The following ZHX3 variants were observed in gnomAD, a reference collection of about 807,000 sequenced individuals.
The protein encoded by ZHX3 is zinc fingers and homeoboxes 3.
ZHX3 carries 20 observed loss-of-function variants against 64.5 expected under a neutral mutation model. The ratio of observed to expected loss-of-function variants is 0.31; its 90% CI spans 0.22 to 0.45. The LOEUF (loss-of-function observed/expected upper bound fraction) is 0.45. ZHX3 is among the 20% of genes least tolerant of loss of function. The pLI is 1.00. For synonymous variants in ZHX3, 423 were observed against 461.6 expected (o/e 0.92, Z 1.07); for missense variants, 1,041 against 1,195.8 (o/e 0.87, Z 1.91).
intron 1 of ZHX3, among the ~76,000 whole-genome samples, chr20:41,277,222 G>C: frequency 6.6e-6 from 1 of 152,182 alleles, no homozygotes; most frequent in East Asian, 1.9e-4. Flanking sequence ...CCAGTTGCTT[G>C]GGAGGCTGAA....
rs771754509 is a variant in ZHX3 at position 41,203,092 on chromosome 20, G to A, written c.1825C>T (p.Pro609Ser). The A allele has an allele frequency of 2.5e-6, 4 of 1,614,152 alleles. No individual in the cohort carries two copies. The highest frequency in any genetic ancestry group is 1.7e-6 in the Non-Finnish European group (2 of 1,180,024). ...TTGTATTTGGTTGGTGTGAAGTCAG[G>A]AGTCTGGTGCCAAGATTGTCGTTTG... Reference protein sequence around the residue: ...SAKRQSWHQTPDFTPTKYKER... With the variant: ...SAKRQSWHQTSDFTPTKYKER... The change falls in exon 3 of 4, where the codon CCT becomes TCT. Residue 609 changes from proline (P) to serine (S), a missense_variant. By Grantham distance (74) the Pro-to-Ser change is moderately conservative. Transcript: ENST00000683867. This position sits in a 1 kb window ranked among gnomAD's most constrained non-coding sequence, Gnocchi z 7.1.
Position 41,204,397 on chromosome 20 carries a change from C to T in ZHX3, c.520G>A (p.Asp174Asn). 6.2e-7 allele frequency: 1 copy of T among 1,614,210 alleles called. No homozygotes were observed. Among genetic ancestry groups the T allele is most frequent in the Non-Finnish European group, 8.5e-7 (1 of 1,180,046 alleles). ...GTAATGATGATTTCTGCCTGTCCATCAGCCCCTTCAGCACTGGGCTCACCC... is the reference window on the plus strand; with the variant it reads ...GTAATGATGATTTCTGCCTGTCCATTAGCCCCTTCAGCACTGGGCTCACCC... ...LAGEPSAEGA[D>N]GQAEIIITKT... Residue 174 changes from aspartate to asparagine, a missense_variant, in exon 3 of 4, where the codon GAT (aspartate) becomes AAT (asparagine). By Grantham distance (23) the Asp-to-Asn change is conservative (BLOSUM62 1). This residue lies in a region of ZHX3 where 358 missense variants were observed against 369.1 expected (regional missense o/e 0.97). Transcript: ENST00000683867. The surrounding 1 kb of genome is among the most constrained non-coding windows in gnomAD (Gnocchi z 6.6).
intron 1 of ZHX3, among the ~76,000 whole-genome samples, chr20:41,282,262 ATCT>A (rs2043714260): frequency 1.3e-5 from 2 of 151,862 alleles, no homozygotes; most frequent in African/African-American, 4.8e-5. Flanking sequence ...TTAACTTCTC[ATCT>A]TCTCTACCAA....
chr20:41,190,876 A>G (rs1009915139), intron 3 of ZHX3, among the ~76,000 whole-genome samples: 1 of 151,984 alleles, frequency 6.6e-6, no homozygotes, highest in East Asian at 1.9e-4. Context: ...TTTTCTCCTG[A>G]TCTGTAAGGT....
intron 1 of ZHX3, among the ~76,000 whole-genome samples, chr20:41,297,892 T>G (rs2044616337): frequency 6.6e-6 from 1 of 152,202 alleles, no homozygotes; most frequent in Non-Finnish European, 1.5e-5. Context: ...TTTACTGGTT[T>G]AAGATGCACT....
chr20:41,204,494 G>A lies in ZHX3; in HGVS notation c.423C>T (p.Asn141=), dbSNP rs113667928. 41 of 1,614,178 alleles carry A rather than the reference G, an allele frequency of 2.5e-5. No homozygotes were observed. In the African/African-American group the frequency reaches 2.7e-4, roughly 10 times the overall value. The change falls in exon 3 of 4, where the codon AAC becomes AAT. Residue 141 remains asparagine, a synonymous_variant. Coordinates refer to ENST00000683867, the MANE Select transcript of ZHX3 (RefSeq NM_001384317.1). The surrounding 1 kb of genome is among the most constrained non-coding windows in gnomAD (Gnocchi z 6.6). Reference sequence around the variant, plus strand: ...CCACATGATTGTCTGGCTTGGCCACGTTCCACACAAAGCTGGCTTCCCCGG... The same window carrying A: ...CCACATGATTGTCTGGCTTGGCCACATTCCACACAAAGCTGGCTTCCCCGG... ...CHSGEASFVW[N]VAKPDNHVVV...
chr20:41,217,074 G>A (rs1241814117), intron 2 of ZHX3, among the ~76,000 whole-genome samples: 1 of 152,090 alleles, frequency 6.6e-6, no homozygotes, highest in Non-Finnish European at 1.5e-5. Flanking sequence ...AGATGAAACT[G>A]GGGTTTCATC....
chr20:41,250,857 G>A (rs2041957365), intron 2 of ZHX3, among the ~76,000 whole-genome samples: 1 of 152,156 alleles, frequency 6.6e-6, no homozygotes, highest in Admixed American at 6.5e-5. Flanking sequence ...CTAAAACCAT[G>A]GAGGCCTGGC....
At chr20:41,294,736 T>A (rs1270280382) in intron 1 of ZHX3, among the ~76,000 whole-genome samples, 1 of 152,096 alleles carries the variant, frequency 6.6e-6, no homozygotes, top group Non-Finnish European at 1.5e-5. Flanking sequence ...TGAGATGGAG[T>A]CTTGCTCTGT....
chr20:41,221,898 G>C (rs1410108727), intron 2 of ZHX3, among the ~76,000 whole-genome samples: 1 of 152,260 alleles, frequency 6.6e-6, no homozygotes, highest in Non-Finnish European at 1.5e-5. Flanking sequence ...TAGAGAGACA[G>C]TAGTATGAGA....
intron 2 of ZHX3, among the ~76,000 whole-genome samples, chr20:41,207,981 T>C (rs1300831178): frequency 6.6e-6 from 1 of 151,936 alleles, no homozygotes; most frequent in Non-Finnish European, 1.5e-5. Flanking sequence ...AAGAATCAAA[T>C]AGACACAATA....
rs1387709982 is a variant in ZHX3, at chr20:41,185,405, T to C, written c.2861-204A>G. On this transcript the variant is annotated intron_variant, in intron 3 of 3. Transcript: ENST00000683867. This position sits in a 1 kb window ranked among gnomAD's most constrained non-coding sequence, Gnocchi z 5.0. ...TAAGGACAGGATGCTGGCTCAACCT[T>C]GTAAGGCCATCAGACTCTCTGAGAG... 6.7e-6 allele frequency among the ~76,000 whole-genome samples: 1 copy of C among 149,022 alleles called. No homozygotes were observed. Among genetic ancestry groups the C allele is most frequent in the Non-Finnish European group, 1.5e-5 (1 of 67,722 alleles).
intron 1 of ZHX3, among the ~76,000 whole-genome samples, chr20:41,313,863 T>C (rs2045216322): frequency 6.6e-6 from 1 of 152,224 alleles, no homozygotes; most frequent in Admixed American, 6.5e-5. Flanking sequence ...CCCAAAGTGC[T>C]GGGATTACAG....
intron 1 of ZHX3, among the ~76,000 whole-genome samples, chr20:41,295,267 C>T (rs1387962095): frequency 1.3e-5 from 2 of 152,012 alleles, no homozygotes; most frequent in Non-Finnish European, 2.9e-5. Flanking sequence ...CAGTAGAATG[C>T]AATCCTTTTC....
intron 2 of ZHX3, among the ~76,000 whole-genome samples, chr20:41,225,336 TACC>T (rs2040194989): frequency 6.6e-6 from 1 of 152,224 alleles, no homozygotes; most frequent in African/African-American, 2.4e-5. Context: ...CTGTTCTAAT[TACC>T]ACCACATCCC....
At position 41,203,738 on chromosome 20, in the gene ZHX3, G is replaced by T; in HGVS notation, c.1179C>A (p.Thr393=). 6.2e-7 allele frequency: 1 copy of T among 1,614,202 alleles called. No homozygotes were observed. The highest frequency in any genetic ancestry group is 8.5e-7 in the Non-Finnish European group (1 of 1,180,032). Residue 393 remains threonine (T), a synonymous_variant, in exon 3 of 4, where the codon ACC becomes ACA. Transcript: ENST00000683867. The surrounding 1 kb of genome is among the most constrained non-coding windows in gnomAD (Gnocchi z 7.1). ...CATTGCCAGCACTGGCGACGAGTGG[G>T]GTATTTAGAACCGTAATTGTGGGCT... ...VPQPTITVLN[T]PLVASAGNVQ... is the part of the protein sequence containing the mutation.
At chr20:41,191,697 T>C (rs570950837) in intron 3 of ZHX3, among the ~76,000 whole-genome samples, 1 of 152,238 alleles carries the variant, frequency 6.6e-6, no homozygotes, top group Non-Finnish European at 1.5e-5. Flanking sequence ...GTTGTTTGGG[T>C]AGGACACTTT....
At chr20:41,303,508 C>A (rs2044884874) in intron 1 of ZHX3, among the ~76,000 whole-genome samples, 1 of 152,166 alleles carries the variant, frequency 6.6e-6, no homozygotes, top group African/African-American at 2.4e-5. Flanking sequence ...CAGTGGATAC[C>A]AATGCTCCAC....
chr20:41,230,874 T>G (rs1203939619), intron 2 of ZHX3, among the ~76,000 whole-genome samples: 1 of 152,218 alleles, frequency 6.6e-6, no homozygotes, highest in African/African-American at 2.4e-5. Flanking sequence ...CACATCATTA[T>G]CACCCAAAGT....
Sources: gnomAD v4.1 joint callset for allele counts (sites outside exome capture counted in the v4.1 genomes callset) on GRCh38, gnomAD v4.1.1 for gene constraint, gnomAD v4.1.1 regional missense constraint, Gnocchi (gnomAD v3.1) non-coding constraint, MANE v1.5 for transcripts, NCBI Gene and HGNC (gene_info 2026-07-23, HGNC 2026-07-21) for gene names.